Variants in CATSPER3 observed in about 807,000 individuals in gnomAD.
CATSPER3 encodes the protein cation channel sperm associated 3.
A neutral mutation model predicts 36.6 loss-of-function variants in CATSPER3; 23 were observed. The observed-to-expected ratio is 0.63, with a 90% CI of 0.45 to 0.89. The LOEUF is 0.89. Among genes scored for constraint, CATSPER3 ranks in the 40% least tolerant of loss-of-function variants. The pLI is 0.00. For synonymous variants in CATSPER3, 172 were observed against 184.1 expected (o/e 0.93, Z 0.53); for missense variants, 474 against 503.9 (o/e 0.94, Z 0.57).
chr5:135,007,803 AACCC>A (rs1275473132), intron 3 of CATSPER3, among the ~76,000 whole-genome samples, 150 bp from the exon 4 acceptor site: 1 of 146,452 alleles, frequency 6.8e-6, no homozygotes, highest in African/African-American at 2.5e-5. Flanking sequence ...CCAACCAACC[AACCC>A]ACCCACCCAC....
intron 3 of CATSPER3, among the ~76,000 whole-genome samples, chr5:135,006,298 C>G (rs1479561426): frequency 6.6e-6 from 1 of 152,182 alleles, no homozygotes; most frequent in African/African-American, 2.4e-5. Flanking sequence ...AAAGGTTGCT[C>G]AGCTTGGACC....
chr5:135,004,049 C>G (rs572064162), intron 3 of CATSPER3, among the ~76,000 whole-genome samples: 1 of 152,360 alleles, frequency 6.6e-6, no homozygotes, highest in East Asian at 1.9e-4. Context: ...GTCACTCACA[C>G]TGGGAGCTAT....
At chr5:134,976,675 A>G (rs1188444211) in intron 2 of CATSPER3, among the ~76,000 whole-genome samples, 4 of 152,192 alleles carry the variant, frequency 2.6e-5, no homozygotes, top group Non-Finnish European at 5.9e-5. Flanking sequence ...TCCTCTTTGC[A>G]CTGCTTTAGT....
chr5:134,996,940 G>A (rs1185099693), intron 3 of CATSPER3, among the ~76,000 whole-genome samples: 4 of 152,250 alleles, frequency 2.6e-5, no homozygotes, highest in African/African-American at 9.6e-5. Context: ...CTGCTCTCTT[G>A]CTGGAAATAG....
chr5:135,007,963 A>G lies in CATSPER3; in HGVS notation c.499A>G (p.Ile167Val). 1 of 1,613,568 alleles carries G rather than the reference A, an allele frequency of 6.2e-7. No individual in the cohort carries two copies. Among genetic ancestry groups the G allele is most frequent in the Non-Finnish European group, 8.5e-7 (1 of 1,179,706 alleles). The change falls in exon 4 of 8, where the codon ATC (isoleucine) becomes GTC (valine). Residue 167 changes from isoleucine to valine, a missense_variant. Ile to Val is a conservative substitution (Grantham distance 29, BLOSUM62 3). Transcript: ENST00000282611. ...CAGTGTCCCTGCCTTGCAGACGCTG[A>G]TCACCGCCGTGGGGCAGACAGTCTA... The part of the protein sequence containing the change: ...IGYSQGIRTL[I>V]TAVGQTVYTV...
intron 1 of CATSPER3, chr5:134,968,449 C>T (rs1330814682): frequency 9.6e-6 from 3 of 311,290 alleles, no homozygotes; most frequent in Non-Finnish European, 1.8e-5. Context: ...AATCCCTGCA[C>T]TTTGAGAGGC....
intron 3 of CATSPER3, among the ~76,000 whole-genome samples, chr5:135,004,480 G>A (rs1374125795): frequency 6.6e-6 from 1 of 152,236 alleles, no homozygotes; most frequent in Non-Finnish European, 1.5e-5. Flanking sequence ...GGGATGAGAG[G>A]AAGGCAGGTG....
chr5:134,996,310 A>G lies in CATSPER3; in HGVS notation c.290A>G (p.Glu97Gly). 1 of 1,614,188 alleles carries G rather than the reference A, an allele frequency of 6.2e-7. No homozygotes were observed. The highest frequency in any genetic ancestry group is 8.5e-7 in the Non-Finnish European group (1 of 1,180,024). The change falls in exon 3 of 8, where the codon GAG (glutamate) becomes GGG (glycine). Residue 97 changes from glutamate (E) to glycine (G), a missense_variant. Transcript: ENST00000282611. ...EIFFVSICTS[E>G]LSMKVYVDPI... ...TTCTTTGTGTCCATCTGCACATCTG[A>G]GTTGTCCATGAAGGTCTATGTGGAC...
chr5:134,980,623 GTTT>G (rs1216874528), intron 2 of CATSPER3, among the ~76,000 whole-genome samples: 1 of 151,466 alleles, frequency 6.6e-6, no homozygotes, highest in Non-Finnish European at 1.5e-5. Context: ...TAGACATGGG[GTTT>G]CACCATGTTG....
chr5:134,999,409 T>C (rs1751992954), intron 3 of CATSPER3, among the ~76,000 whole-genome samples: 1 of 152,152 alleles, frequency 6.6e-6, no homozygotes, highest in African/African-American at 2.4e-5. Flanking sequence ...TTTGGTTCCA[T>C]ATGAACTTTA....
At chr5:135,010,265 C>T (rs1752164353) in intron 6 of CATSPER3, 108 bp from the exon 7 acceptor site, 5 of 966,320 alleles carry the variant, frequency 5.2e-6, no homozygotes, top group Non-Finnish European at 8.3e-6. Flanking sequence ...CCTTCCAGGA[C>T]CAGGGTCAGG....
intron 1 of CATSPER3, chr5:134,968,537 A>G (rs1340019192): frequency 4.2e-6 from 1 of 240,056 alleles, no homozygotes; most frequent in African/African-American, 2.3e-5. Flanking sequence ...CTAAAAATAC[A>G]CAGATTAGCC....
chr5:134,970,122 C>A, intron 2 of CATSPER3, 30 bp downstream of exon 2: 2 of 1,596,740 alleles, frequency 1.3e-6, no homozygotes, highest in Non-Finnish European at 8.6e-7. Context: ...CCATTTTCTT[C>A]TTTTTTTAAA....
chr5:134,991,595 T>C (rs1400820343), intron 2 of CATSPER3, among the ~76,000 whole-genome samples: 2 of 152,178 alleles, frequency 1.3e-5, no homozygotes, highest in Non-Finnish European at 2.9e-5. Flanking sequence ...GGTATTCACA[T>C]GCAAAAGACT....
chr5:134,985,039 G>A (rs1476256302), intron 2 of CATSPER3, among the ~76,000 whole-genome samples: 1 of 152,114 alleles, frequency 6.6e-6, no homozygotes, highest in Non-Finnish European at 1.5e-5. Flanking sequence ...GGCTGGTCTT[G>A]AACTCCTGGC....
intron 6 of CATSPER3, among the ~76,000 whole-genome samples, chr5:135,009,792 C>A (rs1752155732): frequency 6.6e-6 from 1 of 152,232 alleles, no homozygotes; most frequent in African/African-American, 2.4e-5. Context: ...GAGGCTTCTT[C>A]TTGGGGACTC....
chr5:134,974,030 G>C (rs1202519335), intron 2 of CATSPER3, among the ~76,000 whole-genome samples: 1 of 152,124 alleles, frequency 6.6e-6, no homozygotes, highest in African/African-American at 2.4e-5. Context: ...AGAAATGATA[G>C]AATATCACAG....
chr5:134,968,032 C>G lies in CATSPER3; in HGVS notation c.41C>G (p.Ser14Cys), dbSNP rs199834195. The G allele has an allele frequency of 1.7e-5, 27 of 1,614,152 alleles. No homozygotes were observed. The highest frequency in any genetic ancestry group is 2.2e-5 in the Non-Finnish European group (26 of 1,179,992). ...HRHQRHSRVI[S>C]SSPVDTTSVG... is the part of the protein sequence containing the mutation. ...CACCAGCGCCACTCGAGAGTCATTTCTAGTTCACCAGTTGACACTACATCG... is the reference window on the plus strand; with the variant it reads ...CACCAGCGCCACTCGAGAGTCATTTGTAGTTCACCAGTTGACACTACATCG... The change falls in exon 1 of 8, where the codon TCT becomes TGT. Residue 14 changes from serine (S) to cysteine (C), a missense_variant. Ser to Cys is a moderately radical substitution (Grantham distance 112, BLOSUM62 -1). Transcript: ENST00000282611.
chr5:135,010,549 C>G lies in CATSPER3; in HGVS notation c.1094+19C>G, dbSNP rs1347908408. 1 of 1,612,152 alleles carries G rather than the reference C, an allele frequency of 6.2e-7. No homozygotes were observed. Among genetic ancestry groups the G allele is most frequent in the Non-Finnish European group, 8.5e-7 (1 of 1,178,352 alleles). On this transcript the variant is annotated intron_variant, in intron 7 of 7. Coordinates refer to ENST00000282611, the MANE Select transcript of CATSPER3 (RefSeq NM_178019.3). ...TCCACAAGTCAGTTCCAGCCCCAGC[C>G]TTCCCTGGTCCCTAGGGCTTCCTCG...
Sources: allele counts gnomAD v4.1 joint callset (sites outside exome capture counted in the v4.1 genomes callset), GRCh38; gene constraint gnomAD v4.1.1; transcripts MANE v1.5; gene names NCBI Gene and HGNC (gene_info 2026-07-23, HGNC 2026-07-21).